The following EFHD1 variants were observed in gnomAD, a reference collection of about 807,000 sequenced individuals.
EFHD1 encodes EF-hand domain family member D1.
In EFHD1, 10 loss-of-function variants were observed where a neutral mutation model predicts 17.2. The ratio of observed to expected loss-of-function variants is 0.58; its 90% CI spans 0.36 to 0.99. The LOEUF is 0.99. EFHD1 is among the 50% of genes least tolerant of loss of function. The pLI is 0.01. For synonymous variants in EFHD1, 153 were observed against 142.0 expected (o/e 1.08, Z -0.55); for missense variants, 310 against 327.5 (o/e 0.95, Z 0.41).
At chr2:232,663,708 A>G (rs1050970526) in intron 2 of EFHD1, among the ~76,000 whole-genome samples, 2 of 152,118 alleles carry the variant, frequency 1.3e-5, no homozygotes, top group African/African-American at 4.8e-5. Context: ...TGTAACGACC[A>G]AGTCAGGGTA....
chr2:232,667,188 C>T (rs561804041), intron 2 of EFHD1, among the ~76,000 whole-genome samples: 6 of 152,246 alleles, frequency 3.9e-5, no homozygotes, highest in East Asian at 1.9e-4. Context: ...CCCAAGCAGA[C>T]GAATACAGTG....
intron 3 of EFHD1, among the ~76,000 whole-genome samples, chr2:232,678,812 G>T (rs1020280785): frequency 1.3e-5 from 2 of 152,182 alleles, no homozygotes; most frequent in Non-Finnish European, 2.9e-5. Context: ...AAAAGAAAAA[G>T]AAACATCTCT....
rs1376847354 is a variant in EFHD1 at position 232,633,664 on chromosome 2, GT to G, written c.-40del. The G allele has an allele frequency of 2.2e-6, 3 of 1,390,988 alleles. No individual in the cohort carries two copies. Among genetic ancestry groups the G allele is most frequent in the Admixed American group, 3.6e-5 (1 of 28,122 alleles). 86.2% of individuals were successfully genotyped at this position (1,390,988 alleles called of 1,614,324 possible). A position where few individuals can be genotyped will look rare whatever the true frequency, so the allele number is the denominator to read the frequency against. On this transcript the variant is annotated 5_prime_UTR_variant, in exon 1 of 4. Coordinates refer to ENST00000264059, the MANE Select transcript of EFHD1 (RefSeq NM_025202.4). ...GCCGCCCGCCAGCTCCCTGCGTCCC[GT>G]CCCGCGTCCCCGCGTTCCCGCGTCC...
rs530366885 is a variant in EFHD1, at chr2:232,676,417, C to T, written c.585+3974C>T. ...GAATGTCTTTTTTTCCGGGATCTGT[C>T]TGCCCGGCTGTAATTATGCCACTAG... On this transcript the variant is annotated intron_variant, in intron 3 of 3. Coordinates refer to ENST00000264059, the MANE Select transcript of EFHD1 (RefSeq NM_025202.4). 3.9e-5 allele frequency among the ~76,000 whole-genome samples: 6 copies of T among 152,282 alleles called. No homozygotes were observed. The South Asian group carries it at 1.2e-3, about 32-fold the overall frequency.
At chr2:232,635,467 G>A (rs1023661717) in intron 1 of EFHD1, among the ~76,000 whole-genome samples, 3 of 152,206 alleles carry the variant, frequency 2.0e-5, no homozygotes, top group Non-Finnish European at 4.4e-5. Context: ...TATGCTCAGA[G>A]GGTCTTGGGA....
At chr2:232,606,319 C>G (rs1693711459) in intron 1 of EFHD1, 1 of 991,032 alleles carries the variant, frequency 1.0e-6, no homozygotes, top group South Asian at 1.4e-5. Context: ...GCTTCCCTGC[C>G]CCGCGCACGG....
chr2:232,627,070 T>A (rs1465761860), intron 1 of EFHD1, among the ~76,000 whole-genome samples: 47 of 136,976 alleles, frequency 3.4e-4, no homozygotes, highest in African/African-American at 1.1e-3. Context: ...ATATATTTTT[T>A]TTTTTTTTTA....
chr2:232,637,001 C>T (rs1045405871), intron 1 of EFHD1, among the ~76,000 whole-genome samples: 1 of 152,096 alleles, frequency 6.6e-6, no homozygotes, highest in Non-Finnish European at 1.5e-5. Flanking sequence ...CTTCCGGGTT[C>T]TGCGGAAGGA....
At chr2:232,646,851 C>T (rs1694539752) in intron 1 of EFHD1, among the ~76,000 whole-genome samples, 2 of 152,240 alleles carry the variant, frequency 1.3e-5, no homozygotes, top group Non-Finnish European at 2.9e-5. Context: ...TCCTGCAGTC[C>T]CCACGCCCAG....
intron 2 of EFHD1, among the ~76,000 whole-genome samples, chr2:232,663,925 T>C (rs1694922954): frequency 6.6e-6 from 1 of 152,010 alleles, no homozygotes; most frequent in Non-Finnish European, 1.5e-5. Flanking sequence ...CCTGAGTAGC[T>C]TGGACTATAG....
chr2:232,680,999 T>C (rs543411153), intron 3 of EFHD1, among the ~76,000 whole-genome samples: 2 of 149,950 alleles, frequency 1.3e-5, no homozygotes, highest in Admixed American at 1.3e-4. Flanking sequence ...TTTGTAAAAA[T>C]ACAAAAATTA....
At position 232,638,268 on chromosome 2, in the gene EFHD1, A is replaced by G. The variant is rs1485665932; in HGVS notation, c.302+4262A>G. On this transcript the variant is annotated intron_variant, in intron 1 of 3. Transcript: ENST00000264059. ...AGGGAGGCAATGAGGGCAGCCACTT[A>G]AAGGCAGGACCCCAATGCAACATCT... 6.6e-6 allele frequency: 3 copies of G among 455,552 alleles called. No homozygotes were observed. In the Admixed American group the frequency reaches 7.3e-5, roughly 11 times the overall value. The allele number at this position is 455,552 out of a possible 1,614,324, so 28.2% of individuals were successfully genotyped here.
chr2:232,648,669 G>A (rs1384700911), intron 1 of EFHD1, among the ~76,000 whole-genome samples: 1 of 152,000 alleles, frequency 6.6e-6, no homozygotes, highest in Non-Finnish European at 1.5e-5. Context: ...CCTTGAACGT[G>A]CCCAGGGGCT....
chr2:232,678,166 C>A (rs1695211382), intron 3 of EFHD1, among the ~76,000 whole-genome samples: 1 of 151,762 alleles, frequency 6.6e-6, no homozygotes, highest in South Asian at 2.1e-4. Context: ...ACCTGTCATC[C>A]CAGCTACTCG....
intron 2 of EFHD1, among the ~76,000 whole-genome samples, chr2:232,668,452 G>A (rs1181120737): frequency 1.3e-5 from 2 of 152,046 alleles, no homozygotes; most frequent in African/African-American, 4.8e-5. Flanking sequence ...GAAGGGACCC[G>A]TGAGGAGAGC....
At position 232,627,062 on chromosome 2, in the gene EFHD1, ATATTT is replaced by A. The variant is rs1411315632; in HGVS notation, c.14+20891_14+20895del. On this transcript the variant is annotated intron_variant, in intron 1 of 3. Transcript: ENST00000409613. ...TATATATATATATATATATATATAT[ATATTT>A]TTTTTTTTTTTTAATTAGCCAGTTG... Among the ~76,000 whole-genome samples the A allele has an allele frequency of 2.8e-3, 307 of 109,442 alleles. 1 individual carries two copies. The highest frequency in any genetic ancestry group is 9.9e-3 in the African/African-American group (289 of 29,118). 71.8% of individuals were successfully genotyped at this position (109,442 alleles called of 152,430 possible). A position where few individuals can be genotyped will look rare whatever the true frequency, so the allele number is the denominator to read the frequency against.
intron 1 of EFHD1, among the ~76,000 whole-genome samples, chr2:232,654,750 C>T (rs1422650112): frequency 6.6e-6 from 1 of 152,072 alleles, no homozygotes; most frequent in Non-Finnish European, 1.5e-5. Context: ...TTCTCATCCC[C>T]CTCCCTGTGT....
intron 1 of EFHD1, among the ~76,000 whole-genome samples, chr2:232,654,119 A>G (rs1455327885): frequency 1.3e-5 from 2 of 151,584 alleles, no homozygotes; most frequent in Admixed American, 1.3e-4. Flanking sequence ...ATGCATGAGA[A>G]TCACTTGAAC....
rs540718071 is a variant in EFHD1 at position 232,613,551 on chromosome 2, C to G, written c.14+7378C>G. On this transcript the variant is annotated intron_variant, in intron 1 of 3. Coordinates refer to the EFHD1 transcript ENST00000409613. ...TCACCATGAATAATGAGTAGATAAGCAAATTGTGGACTATCCATCCAATGA... is the reference window on the plus strand; with the variant it reads ...TCACCATGAATAATGAGTAGATAAGGAAATTGTGGACTATCCATCCAATGA... 9.9e-5 allele frequency among the ~76,000 whole-genome samples: 15 copies of G among 151,722 alleles called. 1 individual carries two copies. The South Asian group carries it at 3.1e-3, about 32-fold the overall frequency.
Sources: allele counts gnomAD v4.1 joint callset (sites outside exome capture counted in the v4.1 genomes callset), GRCh38; gene constraint gnomAD v4.1.1; transcripts MANE v1.5; gene names NCBI Gene and HGNC (gene_info 2026-07-23, HGNC 2026-07-21).